Variants in NALF1 observed in about 807,000 individuals in gnomAD.
NALF1 encodes NALCN channel auxiliary factor 1, also known as family with sequence similarity 155 member A.
A neutral mutation model predicts 48.4 loss-of-function variants in NALF1; 3 were observed. The observed-to-expected ratio is 0.06, with a 90% confidence interval of 0.03 to 0.16. NALF1 has a LOEUF of 0.16. Among genes scored for constraint, NALF1 ranks in the 10% least tolerant of loss-of-function variants. The probability of loss-of-function intolerance (pLI) is 1.00; values close to 1 mark genes in which losing one functional copy is unlikely to be tolerated. For missense variants in NALF1, 526 were observed against 571.5 expected (o/e 0.92, Z 0.81); for synonymous variants, 262 against 245.7 (o/e 1.07, Z -0.62).
chr13:107,614,822 G>A (rs1879336086), intron 1 of NALF1, among the ~76,000 whole-genome samples: 1 of 149,420 alleles, frequency 6.7e-6, no homozygotes, highest in South Asian at 2.2e-4. Flanking sequence ...CTGTCACCCA[G>A]GCTGGACGGC....
intron 1 of NALF1, among the ~76,000 whole-genome samples, chr13:107,448,366 TC>T (rs1485286908): frequency 2.1e-5 from 2 of 97,334 alleles, no homozygotes; most frequent in East Asian, 5.6e-4. Context: ...TTAAGGAGAA[TC>T]CCAGTATTAG....
chr13:107,370,788 A>G (rs533012244), intron 1 of NALF1, among the ~76,000 whole-genome samples: 1 of 152,266 alleles, frequency 6.6e-6, no homozygotes, highest in African/African-American at 2.4e-5. Context: ...GGGGAGGCCT[A>G]AGGAAACTTA....
At chr13:107,438,278 T>C (rs905940281) in intron 1 of NALF1, among the ~76,000 whole-genome samples, 3 of 152,208 alleles carry the variant, frequency 2.0e-5, no homozygotes, top group Admixed American at 6.5e-5. Context: ...ATATCCTAGT[T>C]TGAAGAGGAA....
At chr13:107,558,839 C>A (rs114224924) in intron 1 of NALF1, among the ~76,000 whole-genome samples, 2 of 152,294 alleles carry the variant, frequency 1.3e-5, no homozygotes, top group Admixed American at 1.3e-4. Flanking sequence ...AGAGGAAGAG[C>A]GAGCTCTCTT....
intron 1 of NALF1, among the ~76,000 whole-genome samples, chr13:107,751,609 T>C (rs1040515932): frequency 5.3e-5 from 8 of 152,166 alleles, no homozygotes; most frequent in African/African-American, 1.9e-4. Flanking sequence ...TATACAAATA[T>C]ATATTACCTG....
chr13:107,280,662 T>G (rs975586587), intron 1 of NALF1, among the ~76,000 whole-genome samples: 1 of 152,226 alleles, frequency 6.6e-6, no homozygotes, highest in Admixed American at 6.5e-5. Context: ...TTTATTTTCA[T>G]GAAAACTCAA....
At chr13:107,188,299 A>G (rs368080937) in intron 2 of NALF1, among the ~76,000 whole-genome samples, 1 of 152,180 alleles carries the variant, frequency 6.6e-6, no homozygotes, top group East Asian at 1.9e-4. Context: ...ATCAGGATCC[A>G]AATTTTGTCT....
intron 1 of NALF1, among the ~76,000 whole-genome samples, chr13:107,634,078 A>C (rs1476787754): frequency 6.6e-6 from 1 of 152,016 alleles, no homozygotes; most frequent in Non-Finnish European, 1.5e-5. Flanking sequence ...CGAATACTTT[A>C]GTCCTTTATG....
At chr13:107,636,212 C>T (rs2138453354) in intron 1 of NALF1, among the ~76,000 whole-genome samples, 1 of 152,264 alleles carries the variant, frequency 6.6e-6, no homozygotes, top group Middle Eastern at 3.4e-3. Flanking sequence ...GCTGTCACTA[C>T]ATCACACGGC....
At chr13:107,425,745 T>C (rs1284146948) in intron 1 of NALF1, among the ~76,000 whole-genome samples, 2 of 152,194 alleles carry the variant, frequency 1.3e-5, no homozygotes, top group Non-Finnish European at 2.9e-5. Flanking sequence ...ACTATGATAT[T>C]GGATGTCTAT....
chr13:107,213,476 T>C (rs1399933169), intron 1 of NALF1, among the ~76,000 whole-genome samples: 3 of 152,158 alleles, frequency 2.0e-5, no homozygotes, highest in Admixed American at 1.3e-4. Context: ...CATTTGAGTA[T>C]TAAATATTTT....
At chr13:107,411,306 T>TTG (rs1566330699) in intron 1 of NALF1, among the ~76,000 whole-genome samples, 1 of 138,018 alleles carries the variant, frequency 7.2e-6, no homozygotes, top group African/African-American at 2.5e-5. Flanking sequence ...ATCTTGTTTT[T>TTG]TTTTTTTTTT....
chr13:107,818,827 G>C (rs550064927), intron 1 of NALF1, among the ~76,000 whole-genome samples: 11 of 123,558 alleles, frequency 8.9e-5, no homozygotes, highest in Non-Finnish European at 1.4e-4. Context: ...AGCCGAGATC[G>C]CGCCACTGCA....
At chr13:107,490,371 AC>A (rs775145303) in intron 1 of NALF1, among the ~76,000 whole-genome samples, 1 of 152,216 alleles carries the variant, frequency 6.6e-6, no homozygotes, top group Non-Finnish European at 1.5e-5. Context: ...ACCATGGAAT[AC>A]TATGCAGTCA....
intron 1 of NALF1, among the ~76,000 whole-genome samples, chr13:107,619,559 TTTTC>T (rs1270583362): frequency 6.6e-6 from 1 of 152,180 alleles, no homozygotes; most frequent in African/African-American, 2.4e-5. Flanking sequence ...CACGTTGCAT[TTTTC>T]TTTATTAGAT....
At chr13:107,679,030 T>C (rs1029236787) in intron 1 of NALF1, among the ~76,000 whole-genome samples, 4 of 152,208 alleles carry the variant, frequency 2.6e-5, no homozygotes. Flanking sequence ...GTAAAAGGTC[T>C]TTAAGGCCCT....
chr13:107,415,359 C>G (rs1318205218), intron 1 of NALF1, among the ~76,000 whole-genome samples: 1 of 150,766 alleles, frequency 6.6e-6, no homozygotes, highest in Non-Finnish European at 1.5e-5. Context: ...TAAGGACAAA[C>G]CGAGGGCCAT....
chr13:107,440,921 G>A (rs914553504), intron 1 of NALF1, among the ~76,000 whole-genome samples: 2 of 152,106 alleles, frequency 1.3e-5, no homozygotes, highest in Non-Finnish European at 2.9e-5. Flanking sequence ...AAACAAGACC[G>A]CCCCTCTCTT....
chr13:107,749,343 G>A (rs1448047852), intron 1 of NALF1, among the ~76,000 whole-genome samples: 3 of 152,072 alleles, frequency 2.0e-5, no homozygotes, highest in Non-Finnish European at 2.9e-5. Context: ...CTTTTATGAA[G>A]AGAACCGTCA....
Sources: allele counts gnomAD v4.1 joint callset (sites outside exome capture counted in the v4.1 genomes callset), GRCh38; gene constraint gnomAD v4.1.1; transcripts MANE v1.5; gene names NCBI Gene and HGNC (gene_info 2026-07-23, HGNC 2026-07-21).